The following SLC25A48 variants were observed in gnomAD, a reference collection of about 807,000 sequenced individuals.
SLC25A48 encodes the protein solute carrier family 25 member 48.
A neutral mutation model predicts 32.2 loss-of-function variants in SLC25A48; 29 were observed. The observed-to-expected ratio is 0.90, with a 90% CI of 0.67 to 1.23. The LOEUF (loss-of-function observed/expected upper bound fraction) is 1.23, where lower values mean the gene tolerates loss of function less well. Ranked by LOEUF, SLC25A48 falls within the 50% of genes most tolerant of loss-of-function variation. SLC25A48 has a pLI of 0.00. For missense variants in SLC25A48, 399 were observed against 422.7 expected (o/e 0.94, Z 0.49); for synonymous variants, 164 against 172.3 (o/e 0.95, Z 0.38).
At chr5:135,579,617 G>A (rs1751187448) in intron 1 of SLC25A48, 2 of 152,444 alleles carry the variant, frequency 1.3e-5, no homozygotes, top group Admixed American at 1.3e-4. Context: ...TGTATGCGGG[G>A]GTGGGGACGG....
At chr5:135,838,653 G>A (rs1356924549) in intron 1 of SLC25A48, among the ~76,000 whole-genome samples, 1 of 152,268 alleles carries the variant, frequency 6.6e-6, no homozygotes, top group African/African-American at 2.4e-5. Context: ...CTTCAGCCAT[G>A]GCTGAAAGGG....
upstream of SLC25A48, among the ~76,000 whole-genome samples, chr5:135,832,742 C>T (rs1222658081): frequency 1.3e-5 from 2 of 152,166 alleles, no homozygotes; most frequent in Non-Finnish European, 2.9e-5. Flanking sequence ...GGGAGTGGGC[C>T]ACTAGTTAAC....
chr5:135,773,289 C>T (rs893349571), intron 3 of SLC25A48, among the ~76,000 whole-genome samples: 6 of 151,552 alleles, frequency 4.0e-5, no homozygotes, highest in Non-Finnish European at 8.9e-5. Context: ...GTATTACTAT[C>T]ATCTTCTTTT....
intron 3 of SLC25A48, among the ~76,000 whole-genome samples, chr5:135,753,111 A>T (rs1184092701): frequency 6.6e-6 from 1 of 152,094 alleles, no homozygotes; most frequent in African/African-American, 2.4e-5. Flanking sequence ...GCTCAAGGAT[A>T]TATTATGCGT....
At chr5:135,582,235 C>A (rs1329754708) in intron 1 of SLC25A48, among the ~76,000 whole-genome samples, 3 of 152,162 alleles carry the variant, frequency 2.0e-5, no homozygotes, top group Non-Finnish European at 4.4e-5. Flanking sequence ...ATTTATTGAG[C>A]ACCCACTGTG....
chr5:135,720,631 C>T (rs1293612928), intron 3 of SLC25A48, among the ~76,000 whole-genome samples: 2 of 152,180 alleles, frequency 1.3e-5, no homozygotes, highest in Non-Finnish European at 2.9e-5. Context: ...TCCATCTGCC[C>T]CATGCATAGC....
At chr5:135,596,199 A>G (rs1170452982) in intron 1 of SLC25A48, among the ~76,000 whole-genome samples, 2 of 152,214 alleles carry the variant, frequency 1.3e-5, no homozygotes, top group Admixed American at 6.5e-5. Flanking sequence ...AACATTCTGT[A>G]TATTTGATTT....
At chr5:135,665,964 T>C (rs556439263) in intron 3 of SLC25A48, among the ~76,000 whole-genome samples, 10 of 152,286 alleles carry the variant, frequency 6.6e-5, no homozygotes, top group Admixed American at 3.9e-4. Context: ...CTCTCTCTAA[T>C]GTGGACTGTC....
intron 2 of SLC25A48, among the ~76,000 whole-genome samples, chr5:135,847,643 CAGAAGAGGA>C (rs1759529594): frequency 6.6e-6 from 1 of 152,098 alleles, no homozygotes; most frequent in Admixed American, 6.5e-5. Context: ...TTTCTTCCCA[CAGAAGAGGA>C]AGAAAACAAT....
intron 6 of SLC25A48, among the ~76,000 whole-genome samples, chr5:135,879,019 A>C (rs1762248277): frequency 6.6e-6 from 1 of 152,192 alleles, no homozygotes; most frequent in Admixed American, 6.5e-5. Flanking sequence ...CCGACACACA[A>C]CACCAAGCAA....
chr5:135,813,624 T>A (rs984975618), intron 4 of SLC25A48, among the ~76,000 whole-genome samples: 6 of 152,244 alleles, frequency 3.9e-5, no homozygotes, highest in African/African-American at 1.4e-4. Flanking sequence ...GACATTACTC[T>A]GAAAGTTTGT....
chr5:135,634,035 G>A (rs1580740167), intron 2 of SLC25A48, among the ~76,000 whole-genome samples: 2 of 152,178 alleles, frequency 1.3e-5, no homozygotes, highest in Non-Finnish European at 2.9e-5. Context: ...AAGGCCGAGT[G>A]CATTCTTCTA....
intron 3 of SLC25A48, among the ~76,000 whole-genome samples, chr5:135,662,127 A>T (rs1753417459): frequency 6.6e-6 from 1 of 152,166 alleles, no homozygotes; most frequent in African/African-American, 2.4e-5. Context: ...GATTTTTGTC[A>T]GACTGCTAGG....
intron 4 of SLC25A48, among the ~76,000 whole-genome samples, chr5:135,816,164 G>A (rs11951868): frequency 0.029 from 4,440 of 152,158 alleles, 199 homozygotes; most frequent in African/African-American, 0.099. Context: ...AGAACAGCAC[G>A]GGGGAAACCA....
intron 3 of SLC25A48, among the ~76,000 whole-genome samples, chr5:135,665,765 G>GAAAAAA (rs10648621): frequency 2.0e-5 from 3 of 148,100 alleles, no homozygotes; most frequent in African/African-American, 7.5e-5. Flanking sequence ...TATTCTTTTT[G>GAAAAAA]AAAAAAAAAA....
At chr5:135,777,395 AT>A (rs1218821275) in intron 3 of SLC25A48, among the ~76,000 whole-genome samples, 1 of 151,172 alleles carries the variant, frequency 6.6e-6, no homozygotes, top group Non-Finnish European at 1.5e-5. Flanking sequence ...CCCCAGTGTG[AT>A]TTTTTATTAT....
intron 3 of SLC25A48, 28 bp from the exon 4 acceptor site, chr5:135,852,535 C>A (rs774411746): frequency 1.9e-6 from 3 of 1,572,722 alleles, no homozygotes; most frequent in African/African-American, 2.7e-5. Flanking sequence ...GGGGTCCTCA[C>A]GCCTCTTCCT....
chr5:135,636,226 T>C (rs1001421785), intron 3 of SLC25A48, among the ~76,000 whole-genome samples: 2 of 152,202 alleles, frequency 1.3e-5, no homozygotes, highest in Non-Finnish European at 2.9e-5. Context: ...GCATCTACTT[T>C]GTGCAGGCCG....
At chr5:135,638,240 G>A (rs1036176078) in intron 3 of SLC25A48, among the ~76,000 whole-genome samples, 1 of 152,216 alleles carries the variant, frequency 6.6e-6, no homozygotes, top group African/African-American at 2.4e-5. Context: ...AAGAGTAGAT[G>A]TAAAACTGAT....
Sources: gnomAD v4.1 joint callset for allele counts (sites outside exome capture counted in the v4.1 genomes callset) on GRCh38, gnomAD v4.1.1 for gene constraint, MANE v1.5 for transcripts, NCBI Gene and HGNC (gene_info 2026-07-23, HGNC 2026-07-21) for gene names.